The following KLHL11 variants were observed in gnomAD, a reference collection of about 807,000 sequenced individuals.
KLHL11 encodes kelch like family member 11.
In KLHL11, 26 loss-of-function variants were observed where a neutral mutation model predicts 56.1. The ratio of observed to expected loss-of-function variants is 0.46; its 90% confidence interval spans 0.34 to 0.64. The LOEUF is 0.64. Ranked by LOEUF, KLHL11 falls within the 30% of genes least tolerant of loss-of-function variation. The pLI, the probability that KLHL11 is intolerant of heterozygous loss-of-function variation, is 0.01. For missense variants in KLHL11, 627 were observed against 919.4 expected, an observed-to-expected ratio of 0.68 and a Z score of 4.11; for synonymous variants, 338 against 345.8, an observed-to-expected ratio of 0.98 and a Z score of 0.25.
At chr17:41,859,936 G>C (rs142714629) in intron 1 of KLHL11, among the ~76,000 whole-genome samples, 2 of 152,224 alleles carry the variant, frequency 1.3e-5, no homozygotes, top group Non-Finnish European at 2.9e-5. Flanking sequence ...CCCCAGAACC[G>C]AGAAGAACCT....
chr17:41,860,003 T>C (rs1417797045), intron 1 of KLHL11, among the ~76,000 whole-genome samples: 1 of 152,098 alleles, frequency 6.6e-6, no homozygotes, highest in African/African-American at 2.4e-5. Flanking sequence ...CAGTAACCGT[T>C]TGTTATTAGT....
In KLHL11 at chr17:41,852,484, C is replaced by A. The variant is rs1036110407; in HGVS notation, c.*1256G>T. Among the ~76,000 whole-genome samples the A allele has an allele frequency of 4.7e-4, 71 of 151,748 alleles. No individual in the cohort carries two copies. The highest frequency in any genetic ancestry group is 1.7e-3 in the African/African-American group (69 of 41,334). On this transcript the variant is annotated 3_prime_UTR_variant, in exon 2 of 2. Coordinates refer to ENST00000319121, the MANE Select transcript of KLHL11 (RefSeq NM_018143.3). ...ACTTCCTTCCCATTTTGGAAAAAAA[C>A]AGTTTCTTGTAGAAAAGAATAATGG... is the stretch of plus-strand genomic sequence containing the variant.
Position 41,859,530 on chromosome 17 carries a change from A to C in KLHL11, c.546-4209T>G, listed in dbSNP as rs956345805. On this transcript the variant is annotated intron_variant, in intron 1 of 1. Coordinates refer to ENST00000319121, the MANE Select transcript of KLHL11 (RefSeq NM_018143.3). ...CAGTAAGCCGAGATCATGCCACTGC[A>C]CTCCAGCGACAGAATGAGATGCTAT... is the stretch of plus-strand genomic sequence containing the variant. Among the ~76,000 whole-genome samples, 3 of 151,966 alleles carry C rather than the reference A, an allele frequency of 2.0e-5. 1 individual carries two copies. The East Asian group carries it at 5.8e-4, about 29-fold the overall frequency.
rs782573058 is a variant in KLHL11 at position 41,865,257 on chromosome 17, G to T, written c.114C>A (p.Ala38=). 21 of 1,586,024 alleles carry T rather than the reference G, an allele frequency of 1.3e-5. No individual in the cohort carries two copies. The highest frequency in any genetic ancestry group is 6.8e-5 in the African/African-American group (5 of 73,202). Residue 38 remains alanine, a synonymous_variant, in exon 1 of 2, where the codon GCC becomes GCA. Transcript: ENST00000319121. ...CCACCGTGCCGCTGCCTCGGACCTC[G>T]GCGGCCAGTCCTGCCGAGCCGGCGG... ...TAAAGSAGLA[A]EVRGSGTVDF... is the part of the protein sequence containing the mutation.
chr17:41,853,743 G>A lies in KLHL11; in HGVS notation c.2124C>T (p.Cys708=), dbSNP rs781912949. ...TAATCGGCACGCTTGAGAGAACCTA[G>A]CATTCAATCTGAGAGCTTGGCACTC... ...MRRVPSSQIE[C] Residue 708 remains cysteine (C), a synonymous_variant, in exon 2 of 2, where the codon TGC becomes TGT. Transcript: ENST00000319121. 1 of 1,606,644 alleles carries A rather than the reference G, an allele frequency of 6.2e-7. No individual in the cohort carries two copies. The highest frequency in any genetic ancestry group is 8.5e-7 in the Non-Finnish European group (1 of 1,174,508).
intron 1 of KLHL11, among the ~76,000 whole-genome samples, chr17:41,862,870 G>T (rs537996736): frequency 6.6e-6 from 1 of 151,984 alleles, no homozygotes; most frequent in Non-Finnish European, 1.5e-5. Context: ...CACTTCCCAG[G>T]GATCTCCTTA....
chr17:41,865,147 G>C lies in KLHL11; in HGVS notation c.224C>G (p.Ser75Cys). ...GPEAEDFECSSHCSELSWRQN... is the reference protein window; with the variant it reads ...GPEAEDFECSCHCSELSWRQN... ...CCGCCAGGACAGCTCTGAGCAGTGA[G>C]AGCTGCACTCGAAATCCTCGGCTTC... is the stretch of plus-strand genomic sequence containing the variant. Residue 75 changes from serine to cysteine, a missense_variant, in exon 1 of 2, where the codon TCT (serine) becomes TGT (cysteine). Ser to Cys is a moderately radical substitution (Grantham distance 112, BLOSUM62 -1). Transcript: ENST00000319121. 2 of 1,610,098 alleles carry C rather than the reference G, an allele frequency of 1.2e-6. No homozygotes were observed. The highest frequency in any genetic ancestry group is 1.3e-5 in the African/African-American group (1 of 74,712).
Position 41,854,795 on chromosome 17 carries a change from T to C in KLHL11, c.1072A>G (p.Met358Val). 6.2e-7 allele frequency: 1 copy of C among 1,614,210 alleles called. No homozygotes were observed. Among genetic ancestry groups the C allele is most frequent in the Non-Finnish European group, 8.5e-7 (1 of 1,180,016 alleles). ...VSLLPRYGQN[M>V]DVIMVIGGVS... ...CCTCCAATAACCATGATCACATCCATGTTTTGCCCATAACGAGGCAATAGT... is the reference window on the plus strand; with the variant it reads ...CCTCCAATAACCATGATCACATCCACGTTTTGCCCATAACGAGGCAATAGT... Residue 358 changes from methionine (M) to valine (V), a missense_variant, in exon 2 of 2, where the codon ATG (methionine) becomes GTG (valine). Physicochemically the swap from Met to Val is conservative, Grantham distance 21. Around this residue, in one of 4 missense-constraint regions of KLHL11, gnomAD observed 106 missense variants for 227.0 expected, o/e 0.47. Coordinates refer to ENST00000319121, the MANE Select transcript of KLHL11 (RefSeq NM_018143.3). This position sits in a 1 kb window ranked among gnomAD's most constrained non-coding sequence, Gnocchi z 4.9.
chr17:41,860,567 C>T (rs1555622985), intron 1 of KLHL11, among the ~76,000 whole-genome samples: 1 of 152,094 alleles, frequency 6.6e-6, no homozygotes, highest in Non-Finnish European at 1.5e-5. Flanking sequence ...CTCCTCTCCT[C>T]TAACTCCCCA....
chr17:41,858,143 G>A (rs1319813134), intron 1 of KLHL11, among the ~76,000 whole-genome samples: 1 of 149,720 alleles, frequency 6.7e-6, no homozygotes, highest in Non-Finnish European at 1.5e-5. Context: ...ACTTTAATTT[G>A]TCCTTGGCAA....
At chr17:41,863,928 A>G (rs542713482) in intron 1 of KLHL11, among the ~76,000 whole-genome samples, 6 of 152,278 alleles carry the variant, frequency 3.9e-5, no homozygotes, top group Admixed American at 2.0e-4. Flanking sequence ...AACAGGCTAT[A>G]CATTTAACAA....
intron 1 of KLHL11, among the ~76,000 whole-genome samples, chr17:41,864,043 C>A (rs549788115): frequency 2.6e-4 from 40 of 152,328 alleles, no homozygotes; most frequent in Middle Eastern, 3.4e-3. Context: ...GAAACCCTAG[C>A]ACCTTAGAAT....
In KLHL11 at chr17:41,865,236, C is replaced by T. The variant is rs781830543; in HGVS notation, c.135G>A (p.Thr45=). The T allele has an allele frequency of 6.9e-6, 11 of 1,595,096 alleles. No homozygotes were observed. The highest frequency in any genetic ancestry group is 2.3e-5 in the East Asian group (1 of 43,616). ...GLAAEVRGSG[T]VDFGPGPGIS... ...TCCCCGGCCCAGGCCCGAAGTCCAC[C>T]GTGCCGCTGCCTCGGACCTCGGCGG... Residue 45 remains threonine (T), a synonymous_variant, in exon 1 of 2, where the codon ACG becomes ACA. Coordinates refer to ENST00000319121, the MANE Select transcript of KLHL11 (RefSeq NM_018143.3).
intron 1 of KLHL11, among the ~76,000 whole-genome samples, chr17:41,859,573 C>CA (rs1418557862): frequency 2.0e-5 from 3 of 151,472 alleles, no homozygotes; most frequent in East Asian, 1.9e-4. Flanking sequence ...AAACAAAAAA[C>CA]AAAAAACAAA....
In KLHL11 at chr17:41,855,072, A is replaced by G. The variant is rs1425939036; in HGVS notation, c.795T>C (p.Val265=). The part of the protein sequence containing the change: ...DLEITVDSEE[V]LFETVLKWVQ... Reference sequence around the variant, plus strand: ...CCCATTTCAAAACGGTTTCAAAGAGAACCTCTTCAGAATCAACTGTAATTT... The same window carrying G: ...CCCATTTCAAAACGGTTTCAAAGAGGACCTCTTCAGAATCAACTGTAATTT... The change falls in exon 2 of 2, where the codon GTT becomes GTC. Residue 265 remains valine, a synonymous_variant. Coordinates refer to ENST00000319121, the MANE Select transcript of KLHL11 (RefSeq NM_018143.3). The G allele has an allele frequency of 1.2e-6, 2 of 1,614,074 alleles. No homozygotes were observed. The highest frequency in any genetic ancestry group is 1.7e-6 in the Non-Finnish European group (2 of 1,180,052).
In KLHL11 at chr17:41,854,192, A is replaced by G. The variant is rs549356615; in HGVS notation, c.1675T>C (p.Tyr559His). ...FQMSVVNSNFYQTASCCPKSY... is the reference protein window; with the variant it reads ...FQMSVVNSNFHQTASCCPKSY... ...TTGGGACAACATGATGCTGTCTGATAAAAGTTTGAATTGACCACAGACATT... is the reference window on the plus strand; with the variant it reads ...TTGGGACAACATGATGCTGTCTGATGAAAGTTTGAATTGACCACAGACATT... Residue 559 changes from tyrosine (Y) to histidine (H), a missense_variant, in exon 2 of 2, where the codon TAT becomes CAT. Tyr to His is a moderately conservative substitution (Grantham distance 83, BLOSUM62 2). This residue lies in a region of KLHL11 where 250 missense variants were observed against 360.6 expected (regional missense o/e 0.69). Coordinates refer to ENST00000319121, the MANE Select transcript of KLHL11 (RefSeq NM_018143.3). The surrounding 1 kb of genome is among the most constrained non-coding windows in gnomAD (Gnocchi z 4.9). The G allele has an allele frequency of 1.2e-6, 2 of 1,614,180 alleles. No individual in the cohort carries two copies. Among genetic ancestry groups the G allele is most frequent in the South Asian group, 1.1e-5 (1 of 91,086 alleles).
rs2048343053 is a variant in KLHL11, at chr17:41,853,437, T to A, written c.*303A>T. On this transcript the variant is annotated 3_prime_UTR_variant, in exon 2 of 2. Transcript: ENST00000319121. The stretch of plus-strand genomic sequence containing the variant: ...AACGTAAGTCCTCAAGACAAAGGAG[T>A]CATAACTCGTTGGCAGGAAAACAGC... 1 of 263,622 alleles carries A rather than the reference T, an allele frequency of 3.8e-6. No homozygotes were observed. The allele number at this position is 263,622 out of a possible 1,614,324, so 16.3% of individuals were successfully genotyped here.
rs551880559 is a variant in KLHL11 at position 41,853,133 on chromosome 17, C to T, written c.*607G>A. On this transcript the variant is annotated 3_prime_UTR_variant, in exon 2 of 2. Coordinates refer to ENST00000319121, the MANE Select transcript of KLHL11 (RefSeq NM_018143.3). ...GCTAATGAAAAATATTCAAAAAATG[C>T]ATGAGCCAGTAAAAAATTTCTCATC... Among the ~76,000 whole-genome samples, 1 of 152,266 alleles carries T rather than the reference C, an allele frequency of 6.6e-6. No homozygotes were observed. The highest frequency in any genetic ancestry group is 2.4e-5 in the African/African-American group (1 of 41,564).
intron 1 of KLHL11, among the ~76,000 whole-genome samples, chr17:41,857,623 C>A (rs537204579): frequency 1.3e-5 from 2 of 151,738 alleles, no homozygotes; most frequent in Admixed American, 6.6e-5. Context: ...TATATACACA[C>A]ATATACATAT....
Sources: allele counts gnomAD v4.1 joint callset (sites outside exome capture counted in the v4.1 genomes callset), GRCh38; gene constraint gnomAD v4.1.1; regional missense constraint gnomAD v4.1.1; non-coding constraint Gnocchi (gnomAD v3.1); transcripts MANE v1.5; gene names NCBI Gene and HGNC (gene_info 2026-07-23, HGNC 2026-07-21).